The following ABCC1 variants were observed in gnomAD, a reference collection of about 807,000 sequenced individuals.
The protein encoded by ABCC1 is ATP binding cassette subfamily C member 1 (ABCC1 blood group), also known as multidrug resistance-associated protein 1.
ABCC1 carries 83 observed loss-of-function variants against 172.9 expected under a neutral mutation model. That is an observed-to-expected ratio of 0.48 (90% CI 0.40 to 0.58). ABCC1 has a LOEUF of 0.58. Among genes scored for constraint, ABCC1 ranks in the 20% least tolerant of loss-of-function variants. ABCC1 has a pLI of 0.00. For missense variants in ABCC1, 1,817 were observed against 2,002.7 expected, an observed-to-expected ratio of 0.91 and a Z score of 1.77; for synonymous variants, 937 against 825.2, an observed-to-expected ratio of 1.14 and a Z score of -2.32.
intron 1 of ABCC1, among the ~76,000 whole-genome samples, chr16:15,977,495 C>T (rs965499877): frequency 3.3e-5 from 5 of 151,794 alleles, no homozygotes; most frequent in African/African-American, 4.9e-5. Context: ...CTCGGTCTCC[C>T]AAAATACTGG....
At chr16:16,060,723 T>C (rs1050033782) in intron 12 of ABCC1, among the ~76,000 whole-genome samples, 3 of 152,030 alleles carry the variant, frequency 2.0e-5, no homozygotes, top group Admixed American at 6.6e-5. Flanking sequence ...GTTTTTGTCA[T>C]GTTCGCCAGG....
rs189326178 is a variant in ABCC1, at chr16:16,085,490, G to A, written c.2293-1334G>A. On this transcript the variant is annotated intron_variant, in intron 17 of 30. Transcript: ENST00000399410. ...CTGCAGCTCCTTGGAAATAAAAAAC[G>A]AATTATTGGCTGGGCGCGGTAGCTC... is the stretch of plus-strand genomic sequence containing the variant. 2.0e-4 allele frequency among the ~76,000 whole-genome samples: 31 copies of A among 152,282 alleles called. No homozygotes were observed. The East Asian group carries it at 3.1e-3, about 15-fold the overall frequency.
At chr16:15,958,404 CTGG>C in intron 1 of ABCC1, among the ~76,000 whole-genome samples, 1 of 152,212 alleles carries the variant, frequency 6.6e-6, no homozygotes, top group African/African-American at 2.4e-5. Context: ...GCCACCGTGC[CTGG>C]CCTGTTGCCT....
intron 1 of ABCC1, among the ~76,000 whole-genome samples, chr16:15,994,647 C>T (rs1453759400): frequency 1.3e-5 from 2 of 152,090 alleles, no homozygotes; most frequent in African/African-American, 4.8e-5. Flanking sequence ...AGAAATCATG[C>T]AGAGGAGAAA....
intron 12 of ABCC1, among the ~76,000 whole-genome samples, chr16:16,063,581 T>A (rs2151938262): frequency 6.6e-6 from 1 of 152,216 alleles, no homozygotes; most frequent in Non-Finnish European, 1.5e-5. Flanking sequence ...TTAAATCAAC[T>A]AGAGTAAGAG....
At chr16:16,036,392 T>C in intron 6 of ABCC1, 80 bp from the exon 7 acceptor site, 1 of 1,360,692 alleles carries the variant, frequency 7.3e-7, no homozygotes, top group Non-Finnish European at 1.0e-6. Flanking sequence ...TCAGCAGGCG[T>C]GTGGAGTGAG....
rs1264438528 is a variant in ABCC1 at position 16,103,465 on chromosome 16, AGCTACTCGGGAG to A, written c.2735+752_2735+763del. On this transcript the variant is annotated intron_variant, in intron 20 of 30. Coordinates refer to ENST00000399410, the MANE Select transcript of ABCC1 (RefSeq NM_004996.4). ...CATGGTGGCAGGCGCCTGTAGTCCC[AGCTACTCGGGAG>A]GCTGAGGCACGAGAATCGCTTGAAC... Among the ~76,000 whole-genome samples, 3 of 152,256 alleles carry A rather than the reference AGCTACTCGGGAG, an allele frequency of 2.0e-5. No individual in the cohort carries two copies. The East Asian group carries it at 5.8e-4, about 29-fold the overall frequency.
chr16:16,127,186 C>T (rs1053670282), intron 26 of ABCC1, among the ~76,000 whole-genome samples: 1 of 152,252 alleles, frequency 6.6e-6, no homozygotes, highest in East Asian at 1.9e-4. Flanking sequence ...CAGACTTAAA[C>T]GTTTAATATA....
In ABCC1 at chr16:16,121,876, G is replaced by A. The variant is rs483352861; in HGVS notation, c.3391-99G>A. On this transcript the variant is annotated intron_variant, in intron 23 of 30. Transcript: ENST00000399410. ...CGGCTCTAACATTTTGCCTCCTGGA[G>A]GTATCGGTTACGTCTAGATGTTCTC... The A allele has an allele frequency of 7.5e-7, 1 of 1,325,782 alleles. No homozygotes were observed. The highest frequency in any genetic ancestry group is 2.4e-5 in the East Asian group (1 of 41,038). 82.1% of individuals were successfully genotyped at this position (1,325,782 alleles called of 1,614,324 possible).
intron 21 of ABCC1, among the ~76,000 whole-genome samples, chr16:16,107,127 C>G (rs757989993): frequency 6.6e-6 from 1 of 152,230 alleles, no homozygotes; most frequent in African/African-American, 2.4e-5. Flanking sequence ...AGTCTCTGCT[C>G]TATTGACTGC....
chr16:16,050,245 A>G (rs1208807134), intron 10 of ABCC1, among the ~76,000 whole-genome samples: 1 of 152,030 alleles, frequency 6.6e-6, no homozygotes, highest in South Asian at 2.1e-4. Context: ...CGGGTGGATC[A>G]TCTGAGGCCA....
chr16:16,051,475 A>AAGGCC (rs1318110745), intron 10 of ABCC1, among the ~76,000 whole-genome samples: 1 of 152,116 alleles, frequency 6.6e-6, no homozygotes, highest in African/African-American at 2.4e-5. Context: ...ACCTGGCCAC[A>AAGGCC]AGGCTATAAG....
Position 16,007,895 on chromosome 16 carries a change from G to C in ABCC1, c.128G>C (p.Cys43Ser), listed in dbSNP as rs41395947. 14 of 1,613,586 alleles carry C rather than the reference G, an allele frequency of 8.7e-6. No homozygotes were observed. In the East Asian group the frequency reaches 3.1e-4, roughly 36 times the overall value. ...AACACGGTCCTCGTGTGGGTGCCTT[G>C]TTTTTACCTCTGGGCCTGTTTCCCC... is the stretch of plus-strand genomic sequence containing the variant. ...FQNTVLVWVP[C>S]FYLWACFPFY... is the part of the protein sequence containing the mutation. The change falls in exon 2 of 31, where the codon TGT becomes TCT. Residue 43 changes from cysteine to serine, a missense_variant. By Grantham distance (112) the Cys-to-Ser change is moderately radical. Around this residue, in one of 3 missense-constraint regions of ABCC1, gnomAD observed 398 missense variants for 384.2 expected, o/e 1.04. Coordinates refer to ENST00000399410, the MANE Select transcript of ABCC1 (RefSeq NM_004996.4).
intron 10 of ABCC1, 101 bp from the exon 11 acceptor site, chr16:16,052,623 G>T: frequency 1.8e-6 from 2 of 1,100,988 alleles, no homozygotes; most frequent in Non-Finnish European, 2.7e-6. Flanking sequence ...CCCTGAACTT[G>T]GTCAGCAGCA....
intron 1 of ABCC1, among the ~76,000 whole-genome samples, chr16:15,956,662 T>C (rs1010367468): frequency 6.6e-6 from 1 of 152,116 alleles, no homozygotes; most frequent in Non-Finnish European, 1.5e-5. Flanking sequence ...ATATATATTA[T>C]ATACTGTATT....
chr16:16,016,983 A>G lies in ABCC1; in HGVS notation c.615+362A>G, dbSNP rs968527144. ...AGTAAAGTTCTGACAGATTAGGCCT[A>G]TAATCCTACAGGGCAGAGCTGAGGA... On this transcript the variant is annotated intron_variant, in intron 5 of 30. Transcript: ENST00000399410. 5.2e-5 allele frequency among the ~76,000 whole-genome samples: 4 copies of G among 76,602 alleles called. No individual in the cohort carries two copies. In the East Asian group the frequency reaches 6.8e-4, roughly 13 times the overall value. The allele number at this position is 76,602 out of a possible 152,430, so 50.3% of individuals were successfully genotyped here.
chr16:16,139,055 G>A (rs1001874364), intron 30 of ABCC1, among the ~76,000 whole-genome samples: 3 of 152,184 alleles, frequency 2.0e-5, no homozygotes, highest in African/African-American at 2.4e-5. Flanking sequence ...TCACGTCAGC[G>A]CACCTGCGGT....
chr16:16,108,599 CT>C (rs1235126707), intron 21 of ABCC1, among the ~76,000 whole-genome samples: 58 of 128,028 alleles, frequency 4.5e-4, no homozygotes, highest in East Asian at 7.0e-4. Flanking sequence ...AATTTGTTTT[CT>C]TTTTTTTTTT....
chr16:15,990,711 AC>A (rs1435297053), intron 1 of ABCC1, among the ~76,000 whole-genome samples: 1 of 150,394 alleles, frequency 6.6e-6, no homozygotes, highest in African/African-American at 2.5e-5. Flanking sequence ...GTGCAGTGGC[AC>A]GATCTCGGCT....
Sources: gnomAD v4.1 joint callset for allele counts (sites outside exome capture counted in the v4.1 genomes callset) on GRCh38, gnomAD v4.1.1 for gene constraint, gnomAD v4.1.1 regional missense constraint, MANE v1.5 for transcripts, NCBI Gene and HGNC (gene_info 2026-07-23, HGNC 2026-07-21) for gene names.